Variants in AK2 observed in about 807,000 individuals in gnomAD.
AK2 encodes adenylate kinase 2, mitochondrial.
AK2 carries 15 observed loss-of-function variants against 24.6 expected under a neutral mutation model. The ratio of observed to expected loss-of-function variants is 0.61; its 90% CI spans 0.41 to 0.94. The LOEUF (loss-of-function observed/expected upper bound fraction) is 0.94, where lower values mean the gene tolerates loss of function less well. Among genes scored for constraint, AK2 ranks in the 40% least tolerant of loss-of-function variants. The probability of loss-of-function intolerance (pLI) is 0.00; values close to 1 mark genes in which losing one functional copy is unlikely to be tolerated. For missense variants in AK2, 257 were observed against 304.1 expected, an observed-to-expected ratio of 0.85 and a Z score of 1.15; for synonymous variants, 102 against 114.0, an observed-to-expected ratio of 0.90 and a Z score of 0.67.
rs577255516 is a variant in AK2, at chr1:33,036,616, C to A, written c.93+120G>T. The A allele has an allele frequency of 4.2e-4, 383 of 917,158 alleles. 1 individual carries two copies. Among genetic ancestry groups the A allele is most frequent in the Non-Finnish European group, 5.9e-4 (339 of 574,268 alleles). The allele number at this position is 917,158 out of a possible 1,614,324, so 56.8% of individuals were successfully genotyped here. A position where few individuals can be genotyped will look rare whatever the true frequency, so the allele number is the denominator to read the frequency against. On this transcript the variant is annotated intron_variant, in intron 1 of 5. Transcript: ENST00000672715. ...CCACCAGAACCGAGACCCCGGCCAG[C>A]GTTCCCCGCAGGCCTTAGTCCCCGG...
chr1:33,036,083 T>C (rs1465567490), intron 1 of AK2, among the ~76,000 whole-genome samples: 1 of 152,150 alleles, frequency 6.6e-6, no homozygotes, highest in African/African-American at 2.4e-5. Context: ...CCATGAGCAC[T>C]CCCAACCCTT....
rs1405176608 is a variant in AK2 at position 33,008,986 on chromosome 1, A to G, written c.*4195T>C. 6.6e-6 allele frequency: 3 copies of G among 454,026 alleles called. No homozygotes were observed. The highest frequency in any genetic ancestry group is 4.0e-5 in the African/African-American group (2 of 50,014). The allele number at this position is 454,026 out of a possible 1,614,324, so 28.1% of individuals were successfully genotyped here. ...AGATGCATGATGACCAAGGGAGGAA[A>G]GAAAATTTTCACAGGGTATTTAAAA... On this transcript the variant is annotated 3_prime_UTR_variant, in exon 6 of 6. Coordinates refer to ENST00000672715, the MANE Select transcript of AK2 (RefSeq NM_001625.4).
intron 4 of AK2, among the ~76,000 whole-genome samples, 167 bp from the exon 5 acceptor site, chr1:33,014,761 C>T (rs1639074652): frequency 6.6e-6 from 1 of 152,164 alleles, no homozygotes; most frequent in Non-Finnish European, 1.5e-5. Context: ...GAGCTTATGC[C>T]AGCGGCAGAG....
chr1:33,012,445 A>C lies in AK2; in HGVS notation c.*736T>G. 6.9e-7 allele frequency: 1 copy of C among 1,447,148 alleles called. No homozygotes were observed. Among genetic ancestry groups the C allele is most frequent in the Non-Finnish European group, 9.2e-7 (1 of 1,092,822 alleles). 89.6% of individuals were successfully genotyped at this position (1,447,148 alleles called of 1,614,324 possible). ...AATTCTCTGTCCATAATGTGCCATC[A>C]GGAACTGTGACCCTGCCTGACTTCA... is the stretch of plus-strand genomic sequence containing the variant. On this transcript the variant is annotated 3_prime_UTR_variant, in exon 6 of 6. Coordinates refer to ENST00000672715, the MANE Select transcript of AK2 (RefSeq NM_001625.4).
chr1:33,024,326 T>C, intron 2 of AK2, 116 bp downstream of exon 2: 4 of 1,435,972 alleles, frequency 2.8e-6, no homozygotes, highest in Non-Finnish European at 2.9e-6. Flanking sequence ...GAGGAACTGA[T>C]TTTTACATTA....
rs115006089 is a variant in AK2, at chr1:33,011,883, G to A, written c.*1298C>T. 356 of 1,529,306 alleles carry A rather than the reference G, an allele frequency of 2.3e-4. 3 individuals carry two copies. In the African/African-American group the frequency reaches 4.2e-3, roughly 18 times the overall value. 94.7% of individuals were successfully genotyped at this position (1,529,306 alleles called of 1,614,324 possible). ...GGCTATAGCCATCATAAAATTAGGG[G>A]TGAAGGGTTGGATCTAGAAAGGAGA... On this transcript the variant is annotated 3_prime_UTR_variant, in exon 6 of 6. Transcript: ENST00000672715.
chr1:33,018,470 A>G (rs1420208710), intron 4 of AK2, among the ~76,000 whole-genome samples: 1 of 152,190 alleles, frequency 6.6e-6, no homozygotes, highest in Non-Finnish European at 1.5e-5. Context: ...AAAGATCCAT[A>G]TTAAACTGAC....
intron 1 of AK2, among the ~76,000 whole-genome samples, chr1:33,035,205 A>G (rs1166154300): frequency 1.3e-5 from 2 of 152,208 alleles, no homozygotes; most frequent in African/African-American, 4.8e-5. Flanking sequence ...GGATAAAGGG[A>G]TCAGGTACAG....
chr1:33,036,106 ACTC>A (rs1640563144), intron 1 of AK2, among the ~76,000 whole-genome samples: 2 of 152,064 alleles, frequency 1.3e-5, no homozygotes, highest in African/African-American at 4.8e-5. Flanking sequence ...TGTGGACACT[ACTC>A]AAAGGTTGCG....
Position 33,012,021 on chromosome 1 carries a change from G to T in AK2, c.*1160C>A. ...CCAAGAATAGATCACACACTGTTTT[G>T]TTCACACTTGGAAACACAGGCAAAC... On this transcript the variant is annotated 3_prime_UTR_variant, in exon 6 of 6. Transcript: ENST00000672715. 3.3e-6 allele frequency: 5 copies of T among 1,535,342 alleles called. No homozygotes were observed. The highest frequency in any genetic ancestry group is 4.4e-6 in the Non-Finnish European group (5 of 1,146,684).
chr1:33,013,929 G>A (rs1485888022), intron 5 of AK2, among the ~76,000 whole-genome samples: 2 of 152,080 alleles, frequency 1.3e-5, no homozygotes, highest in South Asian at 2.1e-4. Context: ...TTGCCATAAC[G>A]GCTCTGGAAC....
chr1:33,009,023 C>CAA lies in AK2; in HGVS notation c.*4156_*4157dup, dbSNP rs760562051. ...CAGGGTATTTAAAAAGCTCAGGGAA[C>CAA]AAACAGATCAGTGCAAATCAGTAAG... On this transcript the variant is annotated 3_prime_UTR_variant, in exon 6 of 6. Transcript: ENST00000672715. 61 of 453,940 alleles carry CAA rather than the reference C, an allele frequency of 1.3e-4. No individual in the cohort carries two copies. Among genetic ancestry groups the CAA allele is most frequent in the Admixed American group, 1.9e-4 (8 of 42,542 alleles). 28.1% of individuals were successfully genotyped at this position (453,940 alleles called of 1,614,324 possible). A position where few individuals can be genotyped will look rare whatever the true frequency, so the allele number is the denominator to read the frequency against.
rs1300760651 is a variant in AK2, at chr1:33,008,549, A to G, written c.*4632T>C. 3 of 454,112 alleles carry G rather than the reference A, an allele frequency of 6.6e-6. No homozygotes were observed. Among genetic ancestry groups the G allele is most frequent in the Non-Finnish European group, 1.3e-5 (3 of 226,790 alleles). 28.1% of individuals were successfully genotyped at this position (454,112 alleles called of 1,614,324 possible). ...TCAGAGCAGCCCTTCCTGTGTGCAGAGCTACGCAAGTAATTAAATCACTTC... is the reference window on the plus strand; with the variant it reads ...TCAGAGCAGCCCTTCCTGTGTGCAGGGCTACGCAAGTAATTAAATCACTTC... On this transcript the variant is annotated 3_prime_UTR_variant, in exon 6 of 6. Coordinates refer to ENST00000672715, the MANE Select transcript of AK2 (RefSeq NM_001625.4).
chr1:33,021,851 A>G (rs1639579319), intron 2 of AK2, 148 bp from the exon 3 acceptor site: 1 of 693,258 alleles, frequency 1.4e-6, no homozygotes, highest in Non-Finnish European at 2.6e-6. Flanking sequence ...AAATAAAAGC[A>G]AACGTGAAAT....
In AK2 at chr1:33,012,840, G is replaced by A. The variant is rs751393730; in HGVS notation, c.*341C>T. The A allele has an allele frequency of 7.1e-6, 9 of 1,267,208 alleles. No homozygotes were observed. Among genetic ancestry groups the A allele is most frequent in the Admixed American group, 4.6e-5 (2 of 43,902 alleles). 78.5% of individuals were successfully genotyped at this position (1,267,208 alleles called of 1,614,324 possible). On this transcript the variant is annotated 3_prime_UTR_variant, in exon 6 of 6. Coordinates refer to ENST00000672715, the MANE Select transcript of AK2 (RefSeq NM_001625.4). ...TGAGCCCCAGGAGGCAGAGGTTGCC[G>A]TGAGCCAAGATCACGCCACTGCACT... is the stretch of plus-strand genomic sequence containing the variant.
rs1006401457 is a variant in AK2 at position 33,009,341 on chromosome 1, A to G, written c.*3840T>C. 6.6e-6 allele frequency: 3 copies of G among 454,044 alleles called. No individual in the cohort carries two copies. Among genetic ancestry groups the G allele is most frequent in the Non-Finnish European group, 1.3e-5 (3 of 226,804 alleles). 28.1% of individuals were successfully genotyped at this position (454,044 alleles called of 1,614,324 possible). Reference sequence around the variant, plus strand: ...AGAGGAAATGAATTTAAACTAGGACACACAGAGAAGCAACAAAGAGTGTTA... The same window carrying G: ...AGAGGAAATGAATTTAAACTAGGACGCACAGAGAAGCAACAAAGAGTGTTA... On this transcript the variant is annotated 3_prime_UTR_variant, in exon 6 of 6. Coordinates refer to ENST00000672715, the MANE Select transcript of AK2 (RefSeq NM_001625.4).
At chr1:33,024,198 T>A in intron 2 of AK2, 1 of 533,646 alleles carries the variant, frequency 1.9e-6, no homozygotes, top group Admixed American at 3.2e-5. Flanking sequence ...TTTCCTATAA[T>A]CTGCCAGTTT....
chr1:33,022,380 C>T (rs946185190), intron 2 of AK2, among the ~76,000 whole-genome samples: 5 of 121,134 alleles, frequency 4.1e-5, no homozygotes, highest in African/African-American at 1.6e-4. Context: ...TTTTTTGAGA[C>T]AGTCTCATTC....
At position 33,013,646 on chromosome 1, in the gene AK2, G is replaced by A. The variant is rs182105155; in HGVS notation, c.499-244C>T. On this transcript the variant is annotated intron_variant, in intron 5 of 5. Transcript: ENST00000672715. Reference sequence around the variant, plus strand: ...AGAAACACCAACTGTGAGGAAAGGGGCTCATGAGGGGAAGATAGGCAATGA... The same window carrying A: ...AGAAACACCAACTGTGAGGAAAGGGACTCATGAGGGGAAGATAGGCAATGA... Among the ~76,000 whole-genome samples the A allele has an allele frequency of 1.7e-3, 259 of 152,284 alleles. 2 individuals are homozygous for A. The highest frequency in any genetic ancestry group is 5.9e-3 in the African/African-American group (246 of 41,562).
Sources: gnomAD v4.1 joint callset for allele counts (sites outside exome capture counted in the v4.1 genomes callset) on GRCh38, gnomAD v4.1.1 for gene constraint, MANE v1.5 for transcripts, NCBI Gene and HGNC (gene_info 2026-07-23, HGNC 2026-07-21) for gene names.